The following DHX57 variants were observed in gnomAD, a reference collection of about 807,000 sequenced individuals.
DHX57 encodes DExH-box helicase 57, also known as putative ATP-dependent RNA helicase DHX57.
Under a neutral mutation model 156.2 loss-of-function variants are expected in DHX57, and 105 were observed. The observed-to-expected ratio is 0.67, with a 90% confidence interval of 0.57 to 0.79. DHX57 has a LOEUF of 0.79. DHX57 is among the 30% of genes least tolerant of loss of function. The pLI, the probability that DHX57 is intolerant of heterozygous loss-of-function variation, is 0.00. For missense variants in DHX57, 1,847 were observed against 1,661.9 expected, an observed-to-expected ratio of 1.11 and a Z score of -1.94; for synonymous variants, 704 against 595.6, an observed-to-expected ratio of 1.18 and a Z score of -2.65.
At chr2:38,875,616 T>C (rs936164941) in intron 1 of DHX57, among the ~76,000 whole-genome samples, 171 bp downstream of exon 1, 1 of 152,116 alleles carries the variant, frequency 6.6e-6, no homozygotes, top group Non-Finnish European at 1.5e-5. Flanking sequence ...GGGATCCTGC[T>C]GGTCCAGATT....
At chr2:38,814,920 C>G (rs189042291) in intron 20 of DHX57, among the ~76,000 whole-genome samples, 3 of 152,156 alleles carry the variant, frequency 2.0e-5, no homozygotes, top group Non-Finnish European at 2.9e-5. Flanking sequence ...CAGGGTTTCT[C>G]CATGTTGGGC....
rs548861724 is a variant in DHX57, at chr2:38,818,544, A to C, written c.3471+333T>G. ...CTCTGTCACAAACAAACAAGCAAAC[A>C]AACAAACAAACAAATGAAAAAGAAT... On this transcript the variant is annotated intron_variant, in intron 19 of 23. Coordinates refer to ENST00000457308, the MANE Select transcript of DHX57 (RefSeq NM_198963.3). Among the ~76,000 whole-genome samples the C allele has an allele frequency of 8.5e-5, 13 of 152,168 alleles. No homozygotes were observed. The South Asian group carries it at 2.5e-3, about 29-fold the overall frequency.
intron 14 of DHX57, among the ~76,000 whole-genome samples, chr2:38,827,307 C>G (rs1194233328): frequency 6.7e-6 from 1 of 150,220 alleles, no homozygotes; most frequent in Non-Finnish European, 1.5e-5. Context: ...AACCAACAAG[C>G]CTAGTGCAAA....
At chr2:38,807,847 T>C (rs964388288) in intron 21 of DHX57, among the ~76,000 whole-genome samples, 8 of 150,280 alleles carry the variant, frequency 5.3e-5, no homozygotes, top group Admixed American at 2.7e-4. Context: ...GGTTTCTCCA[T>C]GTTGGTCAGG....
chr2:38,810,452 G>A (rs1350129039), intron 21 of DHX57: 2 of 534,240 alleles, frequency 3.7e-6, no homozygotes, highest in East Asian at 1.0e-4. Context: ...CAGTGACCTT[G>A]CTCTGGAGAT....
At chr2:38,823,792 A>G (rs959311192) in intron 16 of DHX57, among the ~76,000 whole-genome samples, 2 of 152,182 alleles carry the variant, frequency 1.3e-5, no homozygotes, top group African/African-American at 4.8e-5. Flanking sequence ...TAGGTGGATC[A>G]TTTGAGGTCA....
intron 2 of DHX57, among the ~76,000 whole-genome samples, chr2:38,863,753 C>G (rs772752978): frequency 6.6e-6 from 1 of 152,204 alleles, no homozygotes; most frequent in Non-Finnish European, 1.5e-5. Context: ...TGGCTCACGC[C>G]TGTAATCCTG....
intron 17 of DHX57, among the ~76,000 whole-genome samples, chr2:38,822,121 G>C (rs1670849813): frequency 6.6e-6 from 1 of 151,784 alleles, no homozygotes; most frequent in Non-Finnish European, 1.5e-5. Context: ...TTTCGCTCTT[G>C]TTGCCCAGGC....
At chr2:38,870,702 A>T (rs1417409999) in intron 1 of DHX57, among the ~76,000 whole-genome samples, 1 of 152,108 alleles carries the variant, frequency 6.6e-6, no homozygotes, top group African/African-American at 2.4e-5. Flanking sequence ...ACACAGTGAA[A>T]CCCTGTCTCT....
chr2:38,810,607 T>C, intron 21 of DHX57: 2 of 620,680 alleles, frequency 3.2e-6, no homozygotes, highest in African/African-American at 1.8e-5. Flanking sequence ...GATGTACACC[T>C]GGCCCTTGAA....
chr2:38,815,187 C>T (rs915271722), intron 20 of DHX57, among the ~76,000 whole-genome samples: 2 of 152,122 alleles, frequency 1.3e-5, no homozygotes, highest in African/African-American at 4.8e-5. Context: ...CCACCTCACC[C>T]TCCCACATAG....
Position 38,806,645 on chromosome 2 carries a change from T to C in DHX57, c.3730A>G (p.Arg1244Gly). 1 of 1,614,212 alleles carries C rather than the reference T, an allele frequency of 6.2e-7. No individual in the cohort carries two copies. The highest frequency in any genetic ancestry group is 8.5e-7 in the Non-Finnish European group (1 of 1,180,034). Residue 1244 changes from arginine to glycine, a missense_variant, in exon 22 of 24, where the codon AGA becomes GGA. By Grantham distance (125) the Arg-to-Gly change is moderately radical (BLOSUM62 -2). Coordinates refer to ENST00000457308, the MANE Select transcript of DHX57 (RefSeq NM_198963.3). ...KFQKTSTGAV[R>G]MQPKSAELKF... is the part of the protein sequence containing the mutation. ...AACTCAGCTGATTTTGGTTGCATTC[T>C]GACAGCTCCAGTACTGGTCTTCTGA...
At chr2:38,856,245 A>C in intron 7 of DHX57, 95 bp downstream of exon 7, 1 of 1,499,210 alleles carries the variant, frequency 6.7e-7, no homozygotes, top group Non-Finnish European at 8.9e-7. Context: ...CTATAAATCC[A>C]GCTACAGTTT....
In DHX57 at chr2:38,823,024, A is replaced by G. The variant is rs756397720; in HGVS notation, c.3260T>C (p.Ile1087Thr). Reference protein sequence around the residue: ...IFRCLDPALTIAASLAFKSPF... With the variant: ...IFRCLDPALTTAASLAFKSPF... ...AGACTTAAAAGCCAAACTGGCAGCA[A>G]TGGTGAGAGCAGGATCCAAACAGCG... is the stretch of plus-strand genomic sequence containing the variant. The change falls in exon 17 of 24, where the codon ATT (isoleucine) becomes ACT (threonine). Residue 1087 changes from isoleucine to threonine, a missense_variant. By Grantham distance (89) the Ile-to-Thr change is moderately conservative. Coordinates refer to ENST00000457308, the MANE Select transcript of DHX57 (RefSeq NM_198963.3). 20 of 1,614,146 alleles carry G rather than the reference A, an allele frequency of 1.2e-5. No individual in the cohort carries two copies. In the South Asian group the frequency reaches 2.0e-4, roughly 16 times the overall value.
intron 1 of DHX57, among the ~76,000 whole-genome samples, chr2:38,873,837 G>A (rs1296521780): frequency 6.6e-6 from 1 of 152,054 alleles, no homozygotes; most frequent in African/African-American, 2.4e-5. Context: ...AAAAACCCCC[G>A]AGGCAGTTAT....
chr2:38,855,013 A>C, intron 8 of DHX57, 44 bp downstream of exon 8: 1 of 1,613,416 alleles, frequency 6.2e-7, no homozygotes, highest in Non-Finnish European at 8.5e-7. Context: ...TATACCTAAA[A>C]ACCATAAATT....
intron 12 of DHX57, among the ~76,000 whole-genome samples, chr2:38,839,014 C>A (rs1282100433): frequency 6.6e-6 from 1 of 151,512 alleles, no homozygotes; most frequent in African/African-American, 2.4e-5. Context: ...TCACTGCAAC[C>A]TCCACCTCCC....
rs140429873 is a variant in DHX57 at position 38,854,152 on chromosome 2, G to A, written c.1932C>T (p.Cys644=). 61 of 1,613,876 alleles carry A rather than the reference G, an allele frequency of 3.8e-5. No homozygotes were observed. Among genetic ancestry groups the A allele is most frequent in the African/African-American group, 2.4e-4 (18 of 75,032 alleles). ...VKSSATRLLY[C]TTGVLLRRLE... ...GCCTTCTCAGCAGCACTCCCGTGGT[G>A]CAGTATAACAGTCTGGTGGCTGAGG... The change falls in exon 9 of 24, where the codon TGC becomes TGT. Residue 644 remains cysteine (C), a synonymous_variant. Coordinates refer to ENST00000457308, the MANE Select transcript of DHX57 (RefSeq NM_198963.3).
rs574958783 is a variant in DHX57, at chr2:38,870,600, C to T, written c.-6-2189G>A. 5.3e-5 allele frequency among the ~76,000 whole-genome samples: 8 copies of T among 152,266 alleles called. No individual in the cohort carries two copies. In the South Asian group the frequency reaches 1.4e-3, roughly 28 times the overall value. On this transcript the variant is annotated intron_variant, in intron 1 of 23. Coordinates refer to ENST00000457308, the MANE Select transcript of DHX57 (RefSeq NM_198963.3). ...AAAATACTCAAAGAAAAAAATAGGGCTGGGCGTGGTGGCTCATGCCTGTAA... is the reference window on the plus strand; with the variant it reads ...AAAATACTCAAAGAAAAAAATAGGGTTGGGCGTGGTGGCTCATGCCTGTAA...
Sources: allele counts gnomAD v4.1 joint callset (sites outside exome capture counted in the v4.1 genomes callset), GRCh38; gene constraint gnomAD v4.1.1; transcripts MANE v1.5; gene names NCBI Gene and HGNC (gene_info 2026-07-23, HGNC 2026-07-21).